The following CACNA2D3 variants were observed in gnomAD, a reference collection of about 807,000 sequenced individuals.
CACNA2D3 encodes the protein calcium voltage-gated channel auxiliary subunit alpha2delta 3.
A neutral mutation model predicts 160.6 loss-of-function variants in CACNA2D3; 60 were observed. That is an observed-to-expected ratio of 0.37 (90% CI 0.30 to 0.46). CACNA2D3 has a LOEUF of 0.46. CACNA2D3 is among the 20% of genes least tolerant of loss of function. CACNA2D3 has a pLI of 1.00. For missense variants in CACNA2D3, 1,205 were observed against 1,365.0 expected (o/e 0.88, Z 1.85); for synonymous variants, 558 against 492.9 (o/e 1.13, Z -1.75).
At chr3:54,248,773 C>A (rs1702130035) in intron 2 of CACNA2D3, among the ~76,000 whole-genome samples, 1 of 152,106 alleles carries the variant, frequency 6.6e-6, no homozygotes, top group African/African-American at 2.4e-5. Flanking sequence ...GCAGACCTAA[C>A]TGATTAATAC....
At chr3:54,916,713 C>A (rs1405166176) in intron 27 of CACNA2D3, among the ~76,000 whole-genome samples, 1 of 152,136 alleles carries the variant, frequency 6.6e-6, no homozygotes, top group East Asian at 1.9e-4. Context: ...GTGATAGGTT[C>A]ACCCGTTTCC....
At chr3:55,065,706 G>T (rs1399120359) in intron 35 of CACNA2D3, among the ~76,000 whole-genome samples, 2 of 151,028 alleles carry the variant, frequency 1.3e-5, no homozygotes, top group Admixed American at 6.6e-5. Context: ...GGAGAGGAGA[G>T]GAGAGGTGGG....
chr3:54,175,579 C>T (rs1416346602), intron 2 of CACNA2D3, among the ~76,000 whole-genome samples: 2 of 142,648 alleles, frequency 1.4e-5, no homozygotes, highest in East Asian at 4.1e-4. Flanking sequence ...CGACACTGCA[C>T]TCCAGCCTGG....
At chr3:54,813,356 T>C (rs1199588556) in intron 13 of CACNA2D3, among the ~76,000 whole-genome samples, 3 of 152,168 alleles carry the variant, frequency 2.0e-5, no homozygotes, top group African/African-American at 7.2e-5. Context: ...GGAAGAGATG[T>C]GACCTCATCT....
intron 5 of CACNA2D3, among the ~76,000 whole-genome samples, chr3:54,507,563 A>G (rs1701391179): frequency 6.6e-6 from 1 of 152,142 alleles, no homozygotes; most frequent in African/African-American, 2.4e-5. Context: ...CTGGGCTATG[A>G]GATGTCATCC....
chr3:54,670,061 G>T (rs532846060), intron 11 of CACNA2D3, among the ~76,000 whole-genome samples: 22 of 152,252 alleles, frequency 1.4e-4, no homozygotes, highest in Non-Finnish European at 2.8e-4. Flanking sequence ...TCATATAGCT[G>T]GGGAAACCTT....
At chr3:54,282,473 T>C (rs1702904249) in intron 2 of CACNA2D3, among the ~76,000 whole-genome samples, 2 of 152,232 alleles carry the variant, frequency 1.3e-5, no homozygotes. Context: ...TGGATCATTC[T>C]GGTGCTCCAG....
chr3:54,283,049 A>T (rs917666961), intron 2 of CACNA2D3, among the ~76,000 whole-genome samples: 3 of 152,156 alleles, frequency 2.0e-5, no homozygotes, highest in African/African-American at 7.2e-5. Context: ...TCCTAAAAGG[A>T]TTTTTACTTT....
chr3:54,570,335 C>T (rs964669490), intron 8 of CACNA2D3, among the ~76,000 whole-genome samples: 8 of 152,032 alleles, frequency 5.3e-5, no homozygotes, highest in African/African-American at 7.2e-5. Flanking sequence ...ACAGCCACAC[C>T]GCCACACCAT....
intron 4 of CACNA2D3, among the ~76,000 whole-genome samples, chr3:54,450,370 T>C (rs1195964835): frequency 6.6e-6 from 1 of 152,128 alleles, no homozygotes; most frequent in East Asian, 1.9e-4. Context: ...TCCCAACATC[T>C]CTTCACATCT....
chr3:54,434,275 C>A (rs954548048), intron 4 of CACNA2D3, among the ~76,000 whole-genome samples: 2 of 152,206 alleles, frequency 1.3e-5, no homozygotes, highest in Non-Finnish European at 2.9e-5. Context: ...ACACTCCCAC[C>A]CAGCATCATC....
intron 4 of CACNA2D3, among the ~76,000 whole-genome samples, chr3:54,446,447 G>A (rs987713951): frequency 2.6e-5 from 4 of 152,074 alleles, no homozygotes; most frequent in African/African-American, 9.7e-5. Context: ...AGGTGTCTGG[G>A]CCCACAGATA....
At chr3:55,048,201 AG>A (rs1704105150) in intron 35 of CACNA2D3, among the ~76,000 whole-genome samples, 1 of 134,726 alleles carries the variant, frequency 7.4e-6, no homozygotes, top group African/African-American at 2.9e-5. Context: ...GAATGCTTCC[AG>A]TTTTTGCCCA....
chr3:54,642,797 T>C (rs1348847686), intron 11 of CACNA2D3, among the ~76,000 whole-genome samples: 2 of 152,216 alleles, frequency 1.3e-5, no homozygotes, highest in African/African-American at 2.4e-5. Flanking sequence ...AGGTTATTAA[T>C]TGACTGATAC....
At chr3:54,956,046 C>G (rs115001307) in intron 27 of CACNA2D3, among the ~76,000 whole-genome samples, 2 of 152,188 alleles carry the variant, frequency 1.3e-5, no homozygotes, top group African/African-American at 4.8e-5. Flanking sequence ...GCCGTCCGCC[C>G]CTCCTTAATG....
At chr3:54,821,494 G>A (rs1221519656) in intron 14 of CACNA2D3, among the ~76,000 whole-genome samples, 1 of 151,976 alleles carries the variant, frequency 6.6e-6, no homozygotes, top group Non-Finnish European at 1.5e-5. Context: ...GTCGATTTTT[G>A]GTCTCTTTTT....
chr3:55,051,838 G>A (rs535747711), intron 35 of CACNA2D3, among the ~76,000 whole-genome samples: 8 of 152,296 alleles, frequency 5.3e-5, no homozygotes, highest in East Asian at 1.9e-4. Flanking sequence ...TCGGAAAAGC[G>A]CAGTATTCGG....
chr3:54,841,531 G>A (rs1421333794), intron 16 of CACNA2D3, among the ~76,000 whole-genome samples: 5 of 152,188 alleles, frequency 3.3e-5, no homozygotes, highest in Non-Finnish European at 5.9e-5. Context: ...GGCCAAATGG[G>A]CCCCTCTCAT....
chr3:54,863,903 C>G (rs561428439), intron 17 of CACNA2D3, among the ~76,000 whole-genome samples: 12 of 152,292 alleles, frequency 7.9e-5, no homozygotes, highest in African/African-American at 2.6e-4. Flanking sequence ...TTGCCTCCTT[C>G]CCACCTTCCT....
Sources: allele counts gnomAD v4.1 joint callset (sites outside exome capture counted in the v4.1 genomes callset), GRCh38; gene constraint gnomAD v4.1.1; transcripts MANE v1.5; gene names NCBI Gene and HGNC (gene_info 2026-07-23, HGNC 2026-07-21).